Variants in MOK observed in about 807,000 individuals in gnomAD.
The protein encoded by MOK is MOK protein kinase.
MOK carries 59 observed loss-of-function variants against 54.2 expected under a neutral mutation model. That is an observed-to-expected ratio of 1.09 (90% confidence interval 0.88 to 1.35). The LOEUF is 1.35. Ranked by LOEUF, MOK falls within the 40% of genes most tolerant of loss-of-function variation. MOK has a pLI of 0.00. For synonymous variants in MOK, 210 were observed against 202.7 expected, an observed-to-expected ratio of 1.04 and a Z score of -0.31; for missense variants, 517 against 526.2, an observed-to-expected ratio of 0.98 and a Z score of 0.17.
At chr14:102,287,891 G>A (rs1451261761) in intron 1 of MOK, among the ~76,000 whole-genome samples, 4 of 148,378 alleles carry the variant, frequency 2.7e-5, no homozygotes, top group African/African-American at 2.5e-5. Flanking sequence ...GGACTGCAGT[G>A]GCGCAATCTC....
At chr14:102,283,647 T>C (rs2069714656) in intron 1 of MOK, 55 bp from the exon 2 acceptor site, 1 of 1,119,946 alleles carries the variant, frequency 8.9e-7, no homozygotes, top group African/African-American at 1.6e-5. Context: ...ACACTTGTAT[T>C]CACTTCCAGA....
At chr14:102,222,430 G>GCCA (rs1447242205), downstream of MOK, among the ~76,000 whole-genome samples, 2 of 152,208 alleles carry the variant, frequency 1.3e-5, no homozygotes, top group Non-Finnish European at 2.9e-5. The surrounding 1 kb of genome is among the most constrained non-coding windows in gnomAD (Gnocchi z 4.4). Flanking sequence ...GACTGGGTGT[G>GCCA]CGGTCCAGAA....
chr14:102,224,527 T>C, downstream of MOK: 1 of 455,020 alleles, frequency 2.2e-6, no homozygotes, highest in East Asian at 7.0e-5. Flanking sequence ...TTTGTGAGAC[T>C]TTAAACCATG....
At chr14:102,244,541 A>T (rs2065945983) in intron 7 of MOK, among the ~76,000 whole-genome samples, 1 of 152,080 alleles carries the variant, frequency 6.6e-6, no homozygotes, top group Non-Finnish European at 1.5e-5. Flanking sequence ...CTCCTCAGGG[A>T]TTGTTCAGGC....
intron 4 of MOK, among the ~76,000 whole-genome samples, chr14:102,252,658 A>G (rs762517343): frequency 1.3e-5 from 2 of 152,194 alleles, no homozygotes; most frequent in African/African-American, 2.4e-5. Flanking sequence ...TATCTGAGCT[A>G]TAAGATTTCA....
rs771559259 is a variant in MOK at position 102,305,015 on chromosome 14, A to C, written c.-47T>G. 6 of 1,603,974 alleles carry C rather than the reference A, an allele frequency of 3.7e-6. No individual in the cohort carries two copies. The highest frequency in any genetic ancestry group is 2.2e-5 in the East Asian group (1 of 44,690). ...CAACCCCTTGCCGACACTGGACGGA[A>C]AAGAAAGAAGCAGGAAGGTTGTCCC... On this transcript the variant is annotated 5_prime_UTR_variant, in exon 1 of 12. Coordinates refer to ENST00000361847, the MANE Select transcript of MOK (RefSeq NM_014226.3).
At chr14:102,273,280 C>CAAAAAAAAAA (rs760362999) in intron 2 of MOK, among the ~76,000 whole-genome samples, 1 of 89,598 alleles carries the variant, frequency 1.1e-5, no homozygotes. Context: ...CATACTAGAA[C>CAAAAAAAAAA]AAAAAAAAAA....
Position 102,268,432 on chromosome 14 carries a change from T to C in MOK, c.123-2520A>G, listed in dbSNP as rs183914986. 7.2e-5 allele frequency among the ~76,000 whole-genome samples: 11 copies of C among 152,188 alleles called. No homozygotes were observed. The East Asian group carries it at 1.9e-3, about 27-fold the overall frequency. On this transcript the variant is annotated intron_variant, in intron 2 of 11. Transcript: ENST00000361847. The stretch of plus-strand genomic sequence containing the variant: ...TACTTTTCTTTGCCTTGGAGTTGCG[T>C]TGAATTTTGTTGTCAGGTGACATTC...
chr14:102,273,039 G>A (rs938144982), intron 2 of MOK, among the ~76,000 whole-genome samples: 9 of 152,088 alleles, frequency 5.9e-5, no homozygotes, highest in African/African-American at 7.2e-5. Context: ...GCGTGGTGGC[G>A]GGTGCCTGTA....
At chr14:102,271,589 C>T (rs2068369430) in intron 2 of MOK, among the ~76,000 whole-genome samples, 1 of 152,102 alleles carries the variant, frequency 6.6e-6, no homozygotes, top group Non-Finnish European at 1.5e-5. Flanking sequence ...GACAGATTCT[C>T]GCTCTGTTGC....
In MOK at chr14:102,229,541, G is replaced by C. The variant is rs148491268; in HGVS notation, c.1098C>G (p.Pro366=). The stretch of plus-strand genomic sequence containing the variant: ...CAGATCCAAGCACGGACTGCAGCGT[G>C]GGGCTGGAGTAAGACGACAGTCTGA... ...GVVRLSSYSS[P]TLQSVLGSGT... is the part of the protein sequence containing the mutation. Residue 366 remains proline, a synonymous_variant, in exon 11 of 12, where the codon CCC becomes CCG. Coordinates refer to ENST00000361847, the MANE Select transcript of MOK (RefSeq NM_014226.3). 6.2e-7 allele frequency: 1 copy of C among 1,614,172 alleles called. No individual in the cohort carries two copies. Among genetic ancestry groups the C allele is most frequent in the Non-Finnish European group, 8.5e-7 (1 of 1,180,008 alleles).
Position 102,230,500 on chromosome 14 carries a change from T to A in MOK, c.982-843A>T, listed in dbSNP as rs1327908202. ...TTTCACACTGCAGCAAAGCAGGGAG[T>A]GTAACGAACACCCCACGGCCACGGG... is the stretch of plus-strand genomic sequence containing the variant. On this transcript the variant is annotated intron_variant, in intron 10 of 11. Coordinates refer to ENST00000361847, the MANE Select transcript of MOK (RefSeq NM_014226.3). This position sits in a 1 kb window ranked among gnomAD's most constrained non-coding sequence, Gnocchi z 4.1. 2.0e-5 allele frequency: 3 copies of A among 151,874 alleles called. No homozygotes were observed. The highest frequency in any genetic ancestry group is 7.3e-5 in the African/African-American group (3 of 41,296). The allele number at this position is 151,874 out of a possible 1,614,324, so 9.4% of individuals were successfully genotyped here.
At chr14:102,298,732 A>G (rs979972938) in intron 1 of MOK, among the ~76,000 whole-genome samples, 10 of 152,134 alleles carry the variant, frequency 6.6e-5, no homozygotes, top group South Asian at 6.2e-4. Context: ...CCCCTTCCAC[A>G]ATGTGGAAGC....
At chr14:102,289,477 A>G (rs1057207715) in intron 1 of MOK, among the ~76,000 whole-genome samples, 1 of 151,992 alleles carries the variant, frequency 6.6e-6, no homozygotes, top group African/African-American at 2.4e-5. Context: ...GGGTTTTCCT[A>G]TTTTTAAGCT....
At position 102,240,391 on chromosome 14, in the gene MOK, C is replaced by T. The variant is rs537134390; in HGVS notation, c.591-6602G>A. The T allele has an allele frequency of 4.5e-4, 73 of 162,838 alleles. No homozygotes were observed. In the Middle Eastern group the frequency reaches 8.8e-3, roughly 20 times the overall value. 10.1% of individuals were successfully genotyped at this position (162,838 alleles called of 1,614,324 possible). On this transcript the variant is annotated intron_variant, in intron 7 of 11. Coordinates refer to ENST00000361847, the MANE Select transcript of MOK (RefSeq NM_014226.3). The surrounding 1 kb of genome is among the most constrained non-coding windows in gnomAD (Gnocchi z 5.4). Reference sequence around the variant, plus strand: ...CAGTCCCCTGTCCTTGCCCTCACTCCGTGAGGAGATCTACCTACAACCTCG... The same window carrying T: ...CAGTCCCCTGTCCTTGCCCTCACTCTGTGAGGAGATCTACCTACAACCTCG...
rs143090309 is a variant in MOK, at chr14:102,234,228, A to ATC, written c.591-441_591-440dup. 1.3e-4 allele frequency: 21 copies of ATC among 162,242 alleles called. No individual in the cohort carries two copies. The East Asian group carries it at 1.8e-3, about 14-fold the overall frequency. The allele number at this position is 162,242 out of a possible 1,614,324, so 10.1% of individuals were successfully genotyped here. On this transcript the variant is annotated intron_variant, in intron 7 of 11. Coordinates refer to ENST00000361847, the MANE Select transcript of MOK (RefSeq NM_014226.3). ...TCTGGCCAGGACTCGCTCACTATCA[A>ATC]TCTCTCTCTCTCTCTCTTTTTCTCT...
chr14:102,224,702 A>ACAT, downstream of MOK: 1 of 456,040 alleles, frequency 2.2e-6, no homozygotes, highest in Non-Finnish European at 4.4e-6. Context: ...TTCGGAGGAG[A>ACAT]CATTAGTTAC....
chr14:102,251,934 G>A lies in MOK; in HGVS notation c.345C>T (p.Ser115=), dbSNP rs1452811184. Residue 115 remains serine, a synonymous_variant, in exon 5 of 12, where the codon TCC becomes TCT. Coordinates refer to ENST00000361847, the MANE Select transcript of MOK (RefSeq NM_014226.3). ...GAGCATACCTGTGAATATGATCCAG[G>A]GACTTACATAACTGGTACATATAGT... The part of the protein sequence containing the change: ...IMHYMYQLCK[S]LDHIHRNGIF... 5.0e-6 allele frequency: 8 copies of A among 1,604,792 alleles called. No homozygotes were observed. The East Asian group carries it at 6.7e-5, about 13-fold the overall frequency.
At chr14:102,270,508 G>A (rs2068266222) in intron 2 of MOK, among the ~76,000 whole-genome samples, 2 of 152,144 alleles carry the variant, frequency 1.3e-5, no homozygotes. Context: ...GGCTAAGGCA[G>A]GAGAATCAGT....
Sources: allele counts gnomAD v4.1 joint callset (sites outside exome capture counted in the v4.1 genomes callset), GRCh38; gene constraint gnomAD v4.1.1; non-coding constraint Gnocchi (gnomAD v3.1); transcripts MANE v1.5; gene names NCBI Gene and HGNC (gene_info 2026-07-23, HGNC 2026-07-21).